The following UBE2E2 variants were observed in gnomAD, a reference collection of about 807,000 sequenced individuals.
UBE2E2 encodes the protein ubiquitin-conjugating enzyme E2 E2.
UBE2E2 carries 6 observed loss-of-function variants against 24.7 expected under a neutral mutation model. The observed-to-expected ratio is 0.24, with a 90% CI of 0.13 to 0.48. UBE2E2 has a LOEUF of 0.48. Among genes scored for constraint, UBE2E2 ranks in the 20% least tolerant of loss-of-function variants. The pLI is 0.99. For missense variants in UBE2E2, 169 were observed against 245.0 expected (o/e 0.69, Z 2.07); for synonymous variants, 104 against 83.6 (o/e 1.24, Z -1.33).
At chr3:23,262,095 A>G (rs751342059) in intron 3 of UBE2E2, among the ~76,000 whole-genome samples, 25 of 152,116 alleles carry the variant, frequency 1.6e-4, no homozygotes, top group Admixed American at 9.8e-4. Flanking sequence ...CAAGAATTGC[A>G]CAGGGCACCC....
intron 3 of UBE2E2, among the ~76,000 whole-genome samples, chr3:23,275,506 A>G (rs769892802): frequency 1.3e-5 from 2 of 152,182 alleles, no homozygotes; most frequent in African/African-American, 4.8e-5. Flanking sequence ...CCTAAGAGCA[A>G]TGGGAAGCCT....
At chr3:23,544,407 C>T (rs1384819943) in intron 5 of UBE2E2, among the ~76,000 whole-genome samples, 1 of 152,152 alleles carries the variant, frequency 6.6e-6, no homozygotes, top group Non-Finnish European at 1.5e-5. Context: ...ATAGACATTT[C>T]TCAAAAGAAG....
chr3:23,394,777 G>A (rs919328528), intron 3 of UBE2E2, among the ~76,000 whole-genome samples: 8 of 152,106 alleles, frequency 5.3e-5, no homozygotes, highest in Non-Finnish European at 1.0e-4. Flanking sequence ...TTTTCATTTC[G>A]ATCCCCAAAA....
At chr3:23,537,376 C>A (rs1226260637) in intron 5 of UBE2E2, among the ~76,000 whole-genome samples, 1 of 152,210 alleles carries the variant, frequency 6.6e-6, no homozygotes, top group Non-Finnish European at 1.5e-5. Flanking sequence ...CTCCCTCTCC[C>A]TGCATCACCT....
At chr3:23,565,444 CTT>C (rs574461544) in intron 5 of UBE2E2, among the ~76,000 whole-genome samples, 655 of 46,130 alleles carry the variant, frequency 0.014, 4 homozygotes, top group East Asian at 0.082. Flanking sequence ...ATAGGCATGG[CTT>C]TTTTTTTTTT....
chr3:23,290,715 CT>C (rs966677141), intron 3 of UBE2E2, among the ~76,000 whole-genome samples: 15 of 151,792 alleles, frequency 9.9e-5, no homozygotes, highest in African/African-American at 3.4e-4. Flanking sequence ...TTTATACTAA[CT>C]TTAAAAAATA....
At chr3:23,239,909 C>T (rs1484085226) in intron 3 of UBE2E2, among the ~76,000 whole-genome samples, 1 of 152,102 alleles carries the variant, frequency 6.6e-6, no homozygotes, top group Non-Finnish European at 1.5e-5. Context: ...TCAGCTTTTG[C>T]TTAGTATGAT....
Position 23,518,453 on chromosome 3 carries a change from C to T in UBE2E2, c.361-14101C>T, listed in dbSNP as rs568321754. Among the ~76,000 whole-genome samples the T allele has an allele frequency of 2.6e-5, 4 of 152,302 alleles. No individual in the cohort carries two copies. In the South Asian group the frequency reaches 8.3e-4, roughly 32 times the overall value. On this transcript the variant is annotated intron_variant, in intron 4 of 5. Coordinates refer to ENST00000396703, the MANE Select transcript of UBE2E2 (RefSeq NM_152653.4). The stretch of plus-strand genomic sequence containing the variant: ...AAAAGTAATTCTTGAATGCTTGCCA[C>T]GAAGGCAGAAAGAGGTATGTTTGTG...
At chr3:23,398,796 A>G (rs1314709785) in intron 3 of UBE2E2, among the ~76,000 whole-genome samples, 1 of 152,200 alleles carries the variant, frequency 6.6e-6, no homozygotes, top group Admixed American at 6.6e-5. Context: ...TTATTTCTTT[A>G]TAATGATCTG....
At chr3:23,395,133 C>G (rs913537756) in intron 3 of UBE2E2, among the ~76,000 whole-genome samples, 1 of 152,096 alleles carries the variant, frequency 6.6e-6, no homozygotes, top group Non-Finnish European at 1.5e-5. Flanking sequence ...TATAGATGAA[C>G]GTGTTGAGAA....
rs540633301 is a variant in UBE2E2 at position 23,494,917 on chromosome 3, G to A, written c.228-4691G>A. 4.0e-5 allele frequency among the ~76,000 whole-genome samples: 6 copies of A among 151,656 alleles called. No homozygotes were observed. In the East Asian group the frequency reaches 5.8e-4, roughly 15 times the overall value. On this transcript the variant is annotated intron_variant, in intron 3 of 5. Coordinates refer to ENST00000396703, the MANE Select transcript of UBE2E2 (RefSeq NM_152653.4). ...CTCCCGAGTAGCTGGGATTACAGGC[G>A]CCCACCACCACACCTGGCAAATTTT...
chr3:23,223,578 C>T (rs1413458257), intron 3 of UBE2E2, among the ~76,000 whole-genome samples: 1 of 152,114 alleles, frequency 6.6e-6, no homozygotes, highest in African/African-American at 2.4e-5. Flanking sequence ...AATCCCTTGT[C>T]CCTTGTCAGA....
At chr3:23,428,614 G>C (rs1353892725) in intron 3 of UBE2E2, among the ~76,000 whole-genome samples, 1 of 151,990 alleles carries the variant, frequency 6.6e-6, no homozygotes, top group African/African-American at 2.4e-5. Context: ...CTGGTTCTTT[G>C]AAAACATCAA....
chr3:23,546,854 C>T (rs1449967304), intron 5 of UBE2E2, among the ~76,000 whole-genome samples: 1 of 152,060 alleles, frequency 6.6e-6, no homozygotes, highest in Non-Finnish European at 1.5e-5. Context: ...GTGGTGAAAA[C>T]AGATGATTAA....
At chr3:23,443,458 A>G (rs1698350365) in intron 3 of UBE2E2, among the ~76,000 whole-genome samples, 1 of 152,234 alleles carries the variant, frequency 6.6e-6, no homozygotes, top group South Asian at 2.1e-4. Flanking sequence ...AAACTCTCAT[A>G]AACTGTGCTT....
At chr3:23,482,377 C>T (rs1226660854) in intron 3 of UBE2E2, among the ~76,000 whole-genome samples, 1 of 152,124 alleles carries the variant, frequency 6.6e-6, no homozygotes, top group Non-Finnish European at 1.5e-5. Context: ...TGCTTATCAT[C>T]TCTTTCCACC....
chr3:23,564,156 A>G (rs1480912823), intron 5 of UBE2E2, among the ~76,000 whole-genome samples: 1 of 152,110 alleles, frequency 6.6e-6, no homozygotes, highest in East Asian at 1.9e-4. Context: ...TAAAAATATA[A>G]TTGATGATGT....
intron 5 of UBE2E2, among the ~76,000 whole-genome samples, chr3:23,551,143 C>G (rs553619582): frequency 6.6e-6 from 1 of 152,116 alleles, no homozygotes; most frequent in Non-Finnish European, 1.5e-5. Context: ...AATTCCAACA[C>G]TCAACAACAT....
At chr3:23,329,346 A>G (rs1014530245) in intron 3 of UBE2E2, among the ~76,000 whole-genome samples, 3 of 152,206 alleles carry the variant, frequency 2.0e-5, no homozygotes, top group Non-Finnish European at 4.4e-5. Flanking sequence ...GGATAAAATT[A>G]TATATAATTT....
Sources: gnomAD v4.1 joint callset for allele counts (sites outside exome capture counted in the v4.1 genomes callset) on GRCh38, gnomAD v4.1.1 for gene constraint, MANE v1.5 for transcripts, NCBI Gene and HGNC (gene_info 2026-07-23, HGNC 2026-07-21) for gene names.